The following DNAI2 variants were observed in gnomAD, a reference collection of about 807,000 sequenced individuals.
DNAI2 encodes the protein dynein axonemal intermediate chain 2.
A neutral mutation model predicts 74.7 loss-of-function variants in DNAI2; 63 were observed. The observed-to-expected ratio is 0.84, with a 90% CI of 0.69 to 1.04. DNAI2 has a LOEUF of 1.04. Among genes scored for constraint, DNAI2 ranks in the 50% least tolerant of loss-of-function variants. The pLI is 0.00. For synonymous variants in DNAI2, 289 were observed against 314.9 expected (o/e 0.92, Z 0.87); for missense variants, 688 against 803.2 (o/e 0.86, Z 1.73).
chr17:74,285,696 G>C (rs1452723379), intron 3 of DNAI2, among the ~76,000 whole-genome samples: 2 of 152,128 alleles, frequency 1.3e-5, no homozygotes, highest in East Asian at 3.8e-4. Flanking sequence ...TCCATTGGAG[G>C]TCAAAGACAA....
intron 2 of DNAI2, among the ~76,000 whole-genome samples, chr17:74,283,031 A>C (rs745320942): frequency 1.3e-5 from 2 of 152,208 alleles, no homozygotes; most frequent in Non-Finnish European, 2.9e-5. Flanking sequence ...CGTTTCCAGC[A>C]GCTCTGCCTT....
In DNAI2 at chr17:74,299,826, C is replaced by T. The variant is rs2052657476; in HGVS notation, c.833C>T (p.Thr278Ile). ...ATCTGGCTGCAGTCGAAGACGGGCA[C>T]CGAGTGCTTCTCAGCTTCCACGGAT... is the stretch of plus-strand genomic sequence containing the variant. ...GTIWLQSKTG[T>I]ECFSASTDGQ... The change falls in exon 7 of 14, where the codon ACC becomes ATC. Residue 278 changes from threonine to isoleucine, a missense_variant. Thr to Ile is a moderately conservative substitution (Grantham distance 89). Coordinates refer to ENST00000311014, the MANE Select transcript of DNAI2 (RefSeq NM_023036.6). 6.2e-7 allele frequency: 1 copy of T among 1,613,532 alleles called. No individual in the cohort carries two copies. The highest frequency in any genetic ancestry group is 8.5e-7 in the Non-Finnish European group (1 of 1,180,028).
At chr17:74,284,046 G>A (rs1208728770) in intron 2 of DNAI2, among the ~76,000 whole-genome samples, 1 of 151,292 alleles carries the variant, frequency 6.6e-6, no homozygotes, top group Admixed American at 6.6e-5. Flanking sequence ...GCTGAAGCAG[G>A]AGACTCACTT....
chr17:74,286,829 A>G (rs1176607635), intron 3 of DNAI2, 148 bp from the exon 4 acceptor site: 3 of 994,120 alleles, frequency 3.0e-6, no homozygotes, highest in Non-Finnish European at 3.2e-6. Context: ...CCAGGAACCA[A>G]TTGAAAATTC....
At chr17:74,283,399 G>A (rs772377822) in intron 2 of DNAI2, among the ~76,000 whole-genome samples, 5 of 152,302 alleles carry the variant, frequency 3.3e-5, no homozygotes, top group Admixed American at 6.5e-5. Flanking sequence ...TTGAGGCCAC[G>A]AGTTTGAGAC....
intron 6 of DNAI2, among the ~76,000 whole-genome samples, chr17:74,292,708 GGCCTGATTTCA>G (rs1289068319): frequency 6.6e-6 from 1 of 151,420 alleles, no homozygotes; most frequent in Non-Finnish European, 1.5e-5. Flanking sequence ...CACCACACCT[GGCCTGATTTCA>G]GTCTTTTAAA....
Position 74,300,151 on chromosome 17 carries a change from T to G in DNAI2, c.864+294T>G. Among the ~76,000 whole-genome samples, 1 of 152,214 alleles carries G rather than the reference T, an allele frequency of 6.6e-6. No homozygotes were observed. Among genetic ancestry groups the G allele is most frequent in the East Asian group, 1.9e-4 (1 of 5,200 alleles). ...TTAGTAGAGATGGTGCTTCACTATG[T>G]TGGCCAGGCTGGTCTCGAACTCTGA... On this transcript the variant is annotated intron_variant, in intron 7 of 13. Transcript: ENST00000311014. The surrounding 1 kb of genome is among the most constrained non-coding windows in gnomAD (Gnocchi z 4.5).
intron 6 of DNAI2, among the ~76,000 whole-genome samples, chr17:74,299,172 A>G (rs1192922538): frequency 6.6e-6 from 1 of 152,244 alleles, no homozygotes; most frequent in African/African-American, 2.4e-5. Flanking sequence ...AGCACTAATA[A>G]CAGATCACAG....
intron 9 of DNAI2, among the ~76,000 whole-genome samples, chr17:74,307,597 A>G (rs1169757524): frequency 6.6e-6 from 1 of 152,068 alleles, no homozygotes; most frequent in Non-Finnish European, 1.5e-5. Context: ...TGAGATCAGG[A>G]GTTCAAGACC....
At position 74,295,461 on chromosome 17, in the gene DNAI2, T is replaced by G. The variant is rs557589526; in HGVS notation, c.725-4257T>G. 1.2e-4 allele frequency among the ~76,000 whole-genome samples: 18 copies of G among 152,290 alleles called. No homozygotes were observed. The East Asian group carries it at 3.5e-3, about 29-fold the overall frequency. On this transcript the variant is annotated intron_variant, in intron 6 of 13. Coordinates refer to ENST00000311014, the MANE Select transcript of DNAI2 (RefSeq NM_023036.6). ...GTATCTTTTATTTGGTGAGAGATCA[T>G]CTCATGCTTTTCTTTAGTTCTTTTG...
chr17:74,285,421 G>C (rs1317076029), intron 3 of DNAI2, among the ~76,000 whole-genome samples: 1 of 152,112 alleles, frequency 6.6e-6, no homozygotes, highest in Non-Finnish European at 1.5e-5. Context: ...GGGCTGACCA[G>C]GCATCAGGAG....
chr17:74,298,003 G>T (rs2052549648), intron 6 of DNAI2, among the ~76,000 whole-genome samples: 1 of 152,210 alleles, frequency 6.6e-6, no homozygotes, highest in Non-Finnish European at 1.5e-5. Flanking sequence ...CTGCCCAGGG[G>T]AGCTTTCAGA....
intron 9 of DNAI2, 87 bp downstream of exon 9, chr17:74,305,529 C>G: frequency 7.9e-7 from 1 of 1,258,712 alleles, no homozygotes; most frequent in East Asian, 2.5e-5. Flanking sequence ...AGTCCCGAGC[C>G]TCCATATGTA....
intron 9 of DNAI2, among the ~76,000 whole-genome samples, chr17:74,307,042 C>A (rs76329846): frequency 0.024 from 3,666 of 152,332 alleles, 42 homozygotes; most frequent in African/African-American, 0.033. Flanking sequence ...CTCAGCCAGT[C>A]CTTGCTTTGG....
At chr17:74,306,960 T>C (rs1449446130) in intron 9 of DNAI2, among the ~76,000 whole-genome samples, 1 of 152,120 alleles carries the variant, frequency 6.6e-6, no homozygotes, top group Non-Finnish European at 1.5e-5. Context: ...GCCCCAACCC[T>C]GGGGGTACTA....
chr17:74,303,401 G>A (rs553214151), intron 8 of DNAI2, among the ~76,000 whole-genome samples: 1 of 152,226 alleles, frequency 6.6e-6, no homozygotes, highest in Admixed American at 6.5e-5. Flanking sequence ...CTCAAGCTTG[G>A]TCTTTCCACT....
In DNAI2 at chr17:74,299,275, C is replaced by T. The variant is rs1047832968; in HGVS notation, c.725-443C>T. ...AATGGGCTAATGTAGCAGAGAGATT[C>T]ACCTAAATGGAGTCTTTCCACGTGC... is the stretch of plus-strand genomic sequence containing the variant. On this transcript the variant is annotated intron_variant, in intron 6 of 13. Coordinates refer to ENST00000311014, the MANE Select transcript of DNAI2 (RefSeq NM_023036.6). Among the ~76,000 whole-genome samples the T allele has an allele frequency of 3.9e-5, 6 of 152,280 alleles. No individual in the cohort carries two copies. The South Asian group carries it at 6.2e-4, about 16-fold the overall frequency.
Position 74,309,826 on chromosome 17 carries a change from G to A in DNAI2, c.1348-191G>A, listed in dbSNP as rs184060066. 2,352 of 721,018 alleles carry A rather than the reference G, an allele frequency of 3.3e-3. 7 individuals carry two copies. The highest frequency in any genetic ancestry group is 5.1e-3 in the Non-Finnish European group (2,130 of 418,368). The allele number at this position is 721,018 out of a possible 1,614,324, so 44.7% of individuals were successfully genotyped here. A position where few individuals can be genotyped will look rare whatever the true frequency, so the allele number is the denominator to read the frequency against. ...TGAGGCGGAACTGAAGGGGTGGGGCGGGAGATGAGGCAGGGAAGCCAGGAG... is the reference window on the plus strand; with the variant it reads ...TGAGGCGGAACTGAAGGGGTGGGGCAGGAGATGAGGCAGGGAAGCCAGGAG... On this transcript the variant is annotated intron_variant, in intron 10 of 13. Transcript: ENST00000311014.
intron 6 of DNAI2, among the ~76,000 whole-genome samples, chr17:74,293,780 A>AGTTTT (rs768440178): frequency 5.8e-4 from 70 of 120,334 alleles, no homozygotes; most frequent in Non-Finnish European, 1.3e-3. Flanking sequence ...AGTGAATCAT[A>AGTTTT]GTTTTGTTTT....
Sources: gnomAD v4.1 joint callset for allele counts (sites outside exome capture counted in the v4.1 genomes callset) on GRCh38, gnomAD v4.1.1 for gene constraint, Gnocchi (gnomAD v3.1) non-coding constraint, MANE v1.5 for transcripts, NCBI Gene and HGNC (gene_info 2026-07-23, HGNC 2026-07-21) for gene names.